The following CLNK variants were observed in gnomAD, a reference collection of about 807,000 sequenced individuals.
CLNK encodes cytokine-dependent hematopoietic cell linker.
A neutral mutation model predicts 68.6 loss-of-function variants in CLNK; 74 were observed. The ratio of observed to expected loss-of-function variants is 1.08; its 90% CI spans 0.89 to 1.31. The LOEUF (loss-of-function observed/expected upper bound fraction) is 1.31. CLNK is among the 50% of genes most tolerant of loss of function. CLNK has a pLI of 0.00. For synonymous variants in CLNK, 198 were observed against 172.2 expected, an observed-to-expected ratio of 1.15 and a Z score of -1.17; for missense variants, 553 against 515.3, an observed-to-expected ratio of 1.07 and a Z score of -0.71.
intron 2 of CLNK, among the ~76,000 whole-genome samples, chr4:10,665,440 C>T (rs1323011430): frequency 1.2e-4 from 19 of 152,092 alleles, no homozygotes; most frequent in Admixed American, 5.9e-4. Context: ...CCGAGGCTGG[C>T]GGATCATGAG....
the CLNK span, among the ~76,000 whole-genome samples, chr4:10,697,839 T>C: frequency 1.3e-5 from 2 of 152,196 alleles, no homozygotes; most frequent in South Asian, 4.1e-4. Context: ...CCACCTTGCC[T>C]TTGCTTTTTT....
intron 3 of CLNK, among the ~76,000 whole-genome samples, chr4:10,591,995 A>G (rs1721193860): frequency 6.6e-6 from 1 of 152,188 alleles, no homozygotes; most frequent in Non-Finnish European, 1.5e-5. Context: ...CATCAAGCTC[A>G]TACACCCAAG....
intron 2 of CLNK, among the ~76,000 whole-genome samples, chr4:10,599,459 T>C (rs1721503668): frequency 6.6e-6 from 1 of 152,262 alleles, no homozygotes; most frequent in Admixed American, 6.5e-5. Flanking sequence ...TAAAATTTCA[T>C]TATTGTACTA....
chr4:10,559,996 C>T (rs914617437), intron 7 of CLNK, among the ~76,000 whole-genome samples: 3 of 151,986 alleles, frequency 2.0e-5, no homozygotes, highest in African/African-American at 7.2e-5. Context: ...AAAATGTGAC[C>T]AGACTTTGTC....
chr4:10,665,309 T>C (rs1724349944), intron 2 of CLNK, among the ~76,000 whole-genome samples: 1 of 152,112 alleles, frequency 6.6e-6, no homozygotes, highest in Non-Finnish European at 1.5e-5. Flanking sequence ...CCACTGAAAG[T>C]CCTCATAAAA....
chr4:10,603,612 A>C (rs1721674816), intron 2 of CLNK, among the ~76,000 whole-genome samples: 1 of 152,216 alleles, frequency 6.6e-6, no homozygotes, highest in East Asian at 1.9e-4. Flanking sequence ...GAAGAGAAAG[A>C]GGCAGAATTG....
At chr4:10,646,768 C>T (rs1160683083) in intron 2 of CLNK, among the ~76,000 whole-genome samples, 1 of 152,046 alleles carries the variant, frequency 6.6e-6, no homozygotes, top group African/African-American at 2.4e-5. Flanking sequence ...GAGCAAACAC[C>T]CACATTCAAA....
At chr4:10,629,509 C>T (rs901724161) in intron 2 of CLNK, among the ~76,000 whole-genome samples, 12 of 152,146 alleles carry the variant, frequency 7.9e-5, no homozygotes, top group African/African-American at 2.9e-4. Context: ...GAAGTGGGCA[C>T]AGCTGGGGCA....
chr4:10,619,289 C>T (rs772082227), intron 2 of CLNK, among the ~76,000 whole-genome samples: 3 of 152,144 alleles, frequency 2.0e-5, no homozygotes, highest in East Asian at 1.9e-4. Context: ...TTGTAATCAC[C>T]GGCTAGGAAA....
the CLNK span, among the ~76,000 whole-genome samples, chr4:10,726,632 G>A: frequency 6.6e-6 from 1 of 152,142 alleles, no homozygotes. Context: ...AGGGTAGAGC[G>A]AAGATTTCAG....
chr4:10,533,596 C>G (rs1718635417), intron 11 of CLNK, among the ~76,000 whole-genome samples: 1 of 152,198 alleles, frequency 6.6e-6, no homozygotes, highest in Non-Finnish European at 1.5e-5. Flanking sequence ...CCTCTTACAT[C>G]TTACCCCCTG....
chr4:10,714,967 A>C, the CLNK span, among the ~76,000 whole-genome samples: 1 of 151,682 alleles, frequency 6.6e-6, no homozygotes, highest in East Asian at 1.9e-4. Context: ...TTTTTCCCCT[A>C]CCTTAAATCA....
At chr4:10,587,937 T>C (rs1236518301) in intron 3 of CLNK, among the ~76,000 whole-genome samples, 1 of 152,250 alleles carries the variant, frequency 6.6e-6, no homozygotes, top group Non-Finnish European at 1.5e-5. Context: ...CCGGAGGTTC[T>C]GCAGAAATTA....
chr4:10,593,038 G>A (rs573818482), intron 3 of CLNK, among the ~76,000 whole-genome samples: 17 of 152,132 alleles, frequency 1.1e-4, no homozygotes, highest in East Asian at 5.8e-4. Context: ...GAGCATCTAC[G>A]CTGTAGGAGC....
intron 8 of CLNK, among the ~76,000 whole-genome samples, chr4:10,549,917 C>CAA (rs1719380768): frequency 6.6e-6 from 1 of 152,216 alleles, no homozygotes; most frequent in South Asian, 2.1e-4. Context: ...ACAGATCTCA[C>CAA]AAAGTTACTG....
At chr4:10,662,433 C>T (rs1229943449) in intron 2 of CLNK, among the ~76,000 whole-genome samples, 1 of 152,174 alleles carries the variant, frequency 6.6e-6, no homozygotes, top group Non-Finnish European at 1.5e-5. Context: ...GCTAATATTT[C>T]TGTAGTGAAA....
At position 10,566,164 on chromosome 4, in the gene CLNK, A is replaced by G; in HGVS notation, c.151-14T>C. The G allele has an allele frequency of 6.2e-7, 1 of 1,613,130 alleles. No homozygotes were observed. The highest frequency in any genetic ancestry group is 1.1e-5 in the South Asian group (1 of 90,978). On this transcript the variant is annotated splice_polypyrimidine_tract_variant and intron_variant, in intron 5 of 18. Transcript: ENST00000226951. ...AAAGTTTCTTTCCTAAGCAGGTGGT[A>G]ACATTCCAGTGAGTCAAAGGAAGGT...
the CLNK span, among the ~76,000 whole-genome samples, chr4:10,705,900 C>T: frequency 1.3e-5 from 2 of 152,188 alleles, no homozygotes; most frequent in African/African-American, 4.8e-5. Flanking sequence ...AAGTGTAAGA[C>T]ACTGGACTAA....
chr4:10,701,676 A>T, the CLNK span, among the ~76,000 whole-genome samples: 6 of 152,372 alleles, frequency 3.9e-5, no homozygotes, highest in African/African-American at 1.4e-4. Context: ...CTTCACATTT[A>T]TTAGCTCATT....
Sources: allele counts gnomAD v4.1 joint callset (sites outside exome capture counted in the v4.1 genomes callset), GRCh38; gene constraint gnomAD v4.1.1; transcripts MANE v1.5; gene names NCBI Gene and HGNC (gene_info 2026-07-23, HGNC 2026-07-21).